The following SVIL variants were observed in gnomAD, a reference collection of about 807,000 sequenced individuals.
SVIL encodes the protein archvillin.
A neutral mutation model predicts 240.4 loss-of-function variants in SVIL; 101 were observed. That is an observed-to-expected ratio of 0.42 (90% CI 0.36 to 0.50). The LOEUF is 0.50. SVIL is among the 20% of genes least tolerant of loss of function. The pLI, the probability that SVIL is intolerant of heterozygous loss-of-function variation, is 0.01. For missense variants in SVIL, 2,512 were observed against 2,818.7 expected (o/e 0.89, Z 2.46); for synonymous variants, 999 against 1,100.0 (o/e 0.91, Z 1.82).
At chr10:29,459,177 A>G (rs1462309464) in intron 36 of SVIL, among the ~76,000 whole-genome samples, 1 of 152,072 alleles carries the variant, frequency 6.6e-6, no homozygotes, top group Admixed American at 6.5e-5. Context: ...TGGCTCAATC[A>G]TAGCTCTCTG....
intron 12 of SVIL, among the ~76,000 whole-genome samples, chr10:29,527,406 TTG>T (rs1453804480): frequency 1.3e-5 from 2 of 152,150 alleles, no homozygotes; most frequent in East Asian, 1.9e-4. Flanking sequence ...TTTTAGAATA[TTG>T]TTTCCAATCT....
chr10:29,509,229 C>G (rs1279528183), intron 17 of SVIL, among the ~76,000 whole-genome samples: 1 of 151,154 alleles, frequency 6.6e-6, no homozygotes, highest in Non-Finnish European at 1.5e-5. Context: ...TCAGGTTAGC[C>G]TGGCCTAGAC....
At chr10:29,663,440 G>A (rs1018321679) in intron 2 of SVIL, among the ~76,000 whole-genome samples, 25 of 152,114 alleles carry the variant, frequency 1.6e-4, no homozygotes, top group African/African-American at 5.8e-4. Context: ...CCAGGCTGGA[G>A]TGCAGTGGCA....
At chr10:29,578,502 T>A (rs1955799618) in intron 1 of SVIL, among the ~76,000 whole-genome samples, 1 of 152,190 alleles carries the variant, frequency 6.6e-6, no homozygotes, top group African/African-American at 2.4e-5. Flanking sequence ...AGATCCTTGA[T>A]AACAGGCACC....
chr10:29,690,452 A>G (rs1221674018), intron 1 of SVIL, among the ~76,000 whole-genome samples: 1 of 152,164 alleles, frequency 6.6e-6, no homozygotes, highest in African/African-American at 2.4e-5. Context: ...ATCTTCAGAA[A>G]GAAGTTTTAG....
chr10:29,461,630 T>G (rs1426699243), intron 36 of SVIL, among the ~76,000 whole-genome samples: 4 of 152,208 alleles, frequency 2.6e-5, no homozygotes, highest in African/African-American at 7.2e-5. Flanking sequence ...TGTTAATAGC[T>G]CATATATAAG....
rs60699689 is a variant in SVIL, at chr10:29,555,313, G to GACAC, written c.-50-209_-50-206dup. 0.032 allele frequency among the ~76,000 whole-genome samples: 4,250 copies of GACAC among 132,630 alleles called. 198 individuals carry two copies. Among genetic ancestry groups the GACAC allele is most frequent in the African/African-American group, 0.11 (3,975 of 35,352 alleles). 87.0% of individuals were successfully genotyped at this position (132,630 alleles called of 152,430 possible). ...GATGCCAAATGAATAAGAGTGTGCA[G>GACAC]ACACACACACACACACACACACACA... On this transcript the variant is annotated intron_variant, in intron 3 of 37. Coordinates refer to ENST00000355867, the MANE Select transcript of SVIL (RefSeq NM_021738.3).
At chr10:29,594,559 C>CT (rs34870351) in intron 1 of SVIL, among the ~76,000 whole-genome samples, 43,763 of 140,446 alleles carry the variant, frequency 0.31, 7,054 homozygotes, top group Admixed American at 0.39. Context: ...AATTTTTTTT[C>CT]TTTTTTTTTT....
intron 20 of SVIL, 103 bp downstream of exon 20, chr10:29,494,811 T>C: frequency 9.2e-7 from 1 of 1,082,842 alleles, no homozygotes; most frequent in Non-Finnish European, 1.4e-6. Context: ...GTTTCTCTAA[T>C]CAGTCTTGAC....
At chr10:29,593,812 A>AG (rs1956479313) in intron 1 of SVIL, among the ~76,000 whole-genome samples, 1 of 152,240 alleles carries the variant, frequency 6.6e-6, no homozygotes, top group Admixed American at 6.5e-5. Context: ...CCAAGCCCTT[A>AG]TCCTTAGAGA....
intron 26 of SVIL, among the ~76,000 whole-genome samples, chr10:29,485,127 A>G (rs1025981057): frequency 6.6e-6 from 1 of 151,930 alleles, no homozygotes; most frequent in African/African-American, 2.4e-5. Flanking sequence ...TTCTTTAGGT[A>G]CATCTTCCTG....
At chr10:29,486,673 C>A in intron 24 of SVIL, 116 bp from the exon 25 acceptor site, 1 of 1,221,574 alleles carries the variant, frequency 8.2e-7, no homozygotes, top group Non-Finnish European at 1.1e-6. Flanking sequence ...CTTGTGACCA[C>A]GGGTGTGGGT....
chr10:29,607,896 T>C (rs1489678558), intron 1 of SVIL, among the ~76,000 whole-genome samples: 2 of 152,194 alleles, frequency 1.3e-5, no homozygotes, highest in African/African-American at 4.8e-5. Context: ...AATCAAACTC[T>C]AAGAGCTGGG....
intron 7 of SVIL, among the ~76,000 whole-genome samples, chr10:29,533,728 C>T (rs1951546486): frequency 6.6e-6 from 1 of 152,102 alleles, no homozygotes; most frequent in South Asian, 2.1e-4. Context: ...GAGAATGGGT[C>T]CCTTCTGACT....
At chr10:29,609,134 C>T (rs1957138831) in intron 1 of SVIL, among the ~76,000 whole-genome samples, 1 of 152,232 alleles carries the variant, frequency 6.6e-6, no homozygotes, top group South Asian at 2.1e-4. Flanking sequence ...TCCTGCCTGC[C>T]TTGTTCACCC....
rs1176083063 is a variant in SVIL, at chr10:29,697,417, C to A, written c.-399-10766G>T. The stretch of plus-strand genomic sequence containing the variant: ...AAAGATTGAGAAATCAGATGGTTGC[C>A]GTGTCTGTGTAGAAAGAAGTAGACA... On this transcript the variant is annotated intron_variant, in intron 1 of 35. Transcript: ENST00000375400. Among the ~76,000 whole-genome samples the A allele has an allele frequency of 2.5e-5, 2 of 81,556 alleles. 1 individual carries two copies. Among genetic ancestry groups the A allele is most frequent in the South Asian group, 9.1e-4 (2 of 2,206 alleles). 53.5% of individuals were successfully genotyped at this position (81,556 alleles called of 152,430 possible). A position where few individuals can be genotyped will look rare whatever the true frequency, so the allele number is the denominator to read the frequency against.
upstream of SVIL, among the ~76,000 whole-genome samples, chr10:29,636,303 C>A (rs1564725257): frequency 6.6e-6 from 1 of 151,904 alleles, no homozygotes; most frequent in Non-Finnish European, 1.5e-5. Context: ...AAAAGTAGGG[C>A]AAAAATAAAT....
At chr10:29,706,235 A>G (rs1175702692) in intron 1 of SVIL, among the ~76,000 whole-genome samples, 1 of 152,240 alleles carries the variant, frequency 6.6e-6, no homozygotes, top group African/African-American at 2.4e-5. Context: ...GAATCACCAT[A>G]CTGTCTTCCA....
At chr10:29,601,398 C>T (rs2488680) in intron 1 of SVIL, among the ~76,000 whole-genome samples, 29,778 of 152,202 alleles carry the variant, frequency 0.2, 3,044 homozygotes, top group Middle Eastern at 0.26. Context: ...TGCATTAATG[C>T]ATTCTTTCTT....
Sources: gnomAD v4.1 joint callset for allele counts (sites outside exome capture counted in the v4.1 genomes callset) on GRCh38, gnomAD v4.1.1 for gene constraint, MANE v1.5 for transcripts, NCBI Gene and HGNC (gene_info 2026-07-23, HGNC 2026-07-21) for gene names.